MGMT: variants seen among roughly 807,000 people sequenced by gnomAD.
MGMT encodes methylated-DNA--protein-cysteine methyltransferase.
Under a neutral mutation model 15.9 loss-of-function variants are expected in MGMT, and 14 were observed. That is an observed-to-expected ratio of 0.88 (90% CI 0.58 to 1.37). MGMT has a LOEUF of 1.37. Ranked by LOEUF, MGMT falls within the 40% of genes most tolerant of loss-of-function variation. MGMT has a pLI of 0.00. For missense variants in MGMT, 282 were observed against 268.1 expected, an observed-to-expected ratio of 1.05 and a Z score of -0.36; for synonymous variants, 130 against 118.2, an observed-to-expected ratio of 1.10 and a Z score of -0.65.
chr10:129,536,526 G>A (rs1045610312), intron 2 of MGMT, 149 bp downstream of exon 2: 41 of 912,004 alleles, frequency 4.5e-5, no homozygotes, highest in Non-Finnish European at 5.8e-5. Flanking sequence ...TCAAAACAGT[G>A]TGCTGCGACG....
chr10:129,622,675 A>C (rs1292214425), intron 2 of MGMT, among the ~76,000 whole-genome samples: 1 of 152,166 alleles, frequency 6.6e-6, no homozygotes, highest in Non-Finnish European at 1.5e-5. Context: ...TGTTTTGTGT[A>C]TATGTGCTTA....
At chr10:129,689,123 T>A (rs11817222) in intron 2 of MGMT, among the ~76,000 whole-genome samples, 1,887 of 152,126 alleles carry the variant, frequency 0.012, 41 homozygotes, top group African/African-American at 0.043. Flanking sequence ...AGAGATGGGG[T>A]TTAGCCACTT....
chr10:129,527,105 G>A (rs61404622), intron 1 of MGMT, among the ~76,000 whole-genome samples: 13,493 of 152,280 alleles, frequency 0.089, 764 homozygotes, highest in East Asian at 0.3. Flanking sequence ...GGGAAGTGGG[G>A]ACATTAGGAA....
intron 1 of MGMT, among the ~76,000 whole-genome samples, chr10:129,481,147 A>G (rs1296854086): frequency 6.6e-6 from 1 of 152,172 alleles, no homozygotes; most frequent in Non-Finnish European, 1.5e-5. Context: ...TTTCCCCAGC[A>G]TGGCTTCTGT....
intron 2 of MGMT, among the ~76,000 whole-genome samples, chr10:129,546,994 T>C (rs915091702): frequency 2.6e-5 from 4 of 152,182 alleles, no homozygotes; most frequent in African/African-American, 9.7e-5. Context: ...GTTCTAGATT[T>C]GTTCTTGGAG....
At chr10:129,536,210 A>G in intron 1 of MGMT, 31 bp from the exon 2 acceptor site, 1 of 1,612,718 alleles carries the variant, frequency 6.2e-7, no homozygotes, top group South Asian at 1.1e-5. Flanking sequence ...TCTTACCTAT[A>G]CACTTTGTCT....
intron 1 of MGMT, among the ~76,000 whole-genome samples, chr10:129,526,592 T>C (rs1452403159): frequency 3.9e-5 from 6 of 152,216 alleles, no homozygotes; most frequent in Admixed American, 2.0e-4. Context: ...ACTCCAGGAC[T>C]CAGGCGATTC....
chr10:129,528,851 C>T (rs1296667984), intron 1 of MGMT, among the ~76,000 whole-genome samples: 2 of 152,142 alleles, frequency 1.3e-5, no homozygotes, highest in Admixed American at 1.3e-4. Flanking sequence ...TATATGAAAA[C>T]AAGAACTCTC....
intron 1 of MGMT, among the ~76,000 whole-genome samples, chr10:129,497,599 G>A (rs149679971): frequency 2.0e-5 from 3 of 152,276 alleles, no homozygotes; most frequent in East Asian, 1.9e-4. Flanking sequence ...CAACCAGGGC[G>A]CTAACACGGG....
chr10:129,492,456 T>G (rs1377056769), intron 1 of MGMT, among the ~76,000 whole-genome samples: 2 of 152,218 alleles, frequency 1.3e-5, no homozygotes, highest in Admixed American at 6.5e-5. Context: ...TGCTATTAGA[T>G]TAAGGGATAG....
At chr10:129,728,356 C>T (rs961657841) in intron 3 of MGMT, among the ~76,000 whole-genome samples, 1 of 152,088 alleles carries the variant, frequency 6.6e-6, no homozygotes, top group Non-Finnish European at 1.5e-5. Context: ...GAAGGTGAGG[C>T]AGCATAGGGA....
chr10:129,580,542 C>G (rs1385199347), intron 2 of MGMT, among the ~76,000 whole-genome samples: 1 of 152,120 alleles, frequency 6.6e-6, no homozygotes, highest in African/African-American at 2.4e-5. Flanking sequence ...CTCAGTGATA[C>G]CCTAAAGCCC....
chr10:129,606,610 T>G (rs1846894306), intron 2 of MGMT, among the ~76,000 whole-genome samples: 1 of 152,236 alleles, frequency 6.6e-6, no homozygotes, highest in Non-Finnish European at 1.5e-5. Flanking sequence ...ATATGGAAAT[T>G]TGAAATAAAG....
intron 2 of MGMT, among the ~76,000 whole-genome samples, chr10:129,678,192 T>TG (rs1847807205): frequency 6.6e-6 from 1 of 152,122 alleles, no homozygotes; most frequent in Non-Finnish European, 1.5e-5. Flanking sequence ...GAAAGGACTT[T>TG]GGGGCCCCTG....
chr10:129,550,430 T>C (rs1846144175), intron 2 of MGMT, among the ~76,000 whole-genome samples: 1 of 142,800 alleles, frequency 7.0e-6, no homozygotes, highest in East Asian at 2.1e-4. Flanking sequence ...AGCACTGGAA[T>C]GTTTCTGTGT....
chr10:129,473,332 TCTC>T (rs1366832918), intron 1 of MGMT, among the ~76,000 whole-genome samples: 9 of 152,206 alleles, frequency 5.9e-5, no homozygotes, highest in African/African-American at 2.2e-4. Context: ...GTCTCCTTAA[TCTC>T]CTGTCATGGT....
At chr10:129,554,146 A>AAC (rs550687924) in intron 2 of MGMT, among the ~76,000 whole-genome samples, 12 of 152,208 alleles carry the variant, frequency 7.9e-5, no homozygotes, top group Non-Finnish European at 1.5e-4. Flanking sequence ...GCCGCCTCTG[A>AAC]ACACCTATTC....
At chr10:129,695,453 C>T (rs375798998) in intron 2 of MGMT, among the ~76,000 whole-genome samples, 5 of 152,288 alleles carry the variant, frequency 3.3e-5, no homozygotes, top group East Asian at 3.9e-4. Flanking sequence ...TTAATGGGAC[C>T]GAGCCCCGTG....
chr10:129,507,139 AC>A (rs1352344436), intron 1 of MGMT, among the ~76,000 whole-genome samples: 55 of 152,200 alleles, frequency 3.6e-4, no homozygotes, highest in African/African-American at 1.2e-3. Flanking sequence ...TCCTGTGAGG[AC>A]CGGGTGAAAC....
Sources: allele counts gnomAD v4.1 joint callset (sites outside exome capture counted in the v4.1 genomes callset), GRCh38; gene constraint gnomAD v4.1.1; transcripts MANE v1.5; gene names NCBI Gene and HGNC (gene_info 2026-07-23, HGNC 2026-07-21).